The following CSMD3 variants were observed in gnomAD, a reference collection of about 807,000 sequenced individuals.
CSMD3 encodes CUB and sushi domain-containing protein 3.
A neutral mutation model predicts 435.2 loss-of-function variants in CSMD3; 177 were observed. The observed-to-expected ratio is 0.41, with a 90% CI of 0.36 to 0.46. The LOEUF (loss-of-function observed/expected upper bound fraction) is 0.46. Among genes scored for constraint, CSMD3 ranks in the 20% least tolerant of loss-of-function variants. CSMD3 has a pLI of 0.34. For missense variants in CSMD3, 4,265 were observed against 4,504.6 expected (o/e 0.95, Z 1.52); for synonymous variants, 1,656 against 1,520.5 (o/e 1.09, Z -2.07).
chr8:112,410,628 GTA>G (rs373147062), intron 32 of CSMD3, among the ~76,000 whole-genome samples: 3 of 69,954 alleles, frequency 4.3e-5, no homozygotes, highest in Admixed American at 1.8e-4. Flanking sequence ...ATATATATGT[GTA>G]TATATATGTA....
intron 11 of CSMD3, among the ~76,000 whole-genome samples, chr8:112,854,327 A>C (rs1401494765): frequency 6.6e-6 from 1 of 152,140 alleles, no homozygotes; most frequent in Non-Finnish European, 1.5e-5. Context: ...TGGACAGTAA[A>C]AAATTCATAT....
At chr8:112,852,218 A>G (rs1302844562) in intron 11 of CSMD3, among the ~76,000 whole-genome samples, 1 of 152,222 alleles carries the variant, frequency 6.6e-6, no homozygotes, top group African/African-American at 2.4e-5. Context: ...CACTAACACC[A>G]AACTTAAAAA....
intron 13 of CSMD3, among the ~76,000 whole-genome samples, chr8:112,790,279 A>T (rs2078654386): frequency 6.6e-6 from 1 of 152,066 alleles, no homozygotes; most frequent in South Asian, 2.1e-4. Context: ...AATATAGCAA[A>T]GGTAAATCTT....
chr8:113,162,571 C>CAAAAAA (rs753811903), intron 4 of CSMD3, among the ~76,000 whole-genome samples: 1 of 59,788 alleles, frequency 1.7e-5, no homozygotes, highest in Non-Finnish European at 3.3e-5. Context: ...GTCCCCACAT[C>CAAAAAA]AAAAAAAAAA....
chr8:112,483,641 G>A (rs1368277431), intron 31 of CSMD3, among the ~76,000 whole-genome samples: 3 of 152,120 alleles, frequency 2.0e-5, no homozygotes, highest in South Asian at 2.1e-4. Context: ...AAATGAATTA[G>A]GGAACTGCCC....
At chr8:112,603,777 CTAATA>C (rs1255595553) in intron 22 of CSMD3, among the ~76,000 whole-genome samples, 1 of 151,970 alleles carries the variant, frequency 6.6e-6, no homozygotes, top group African/African-American at 2.4e-5. Context: ...AAAAAGTTTT[CTAATA>C]TATTTATCCA....
At chr8:112,529,060 C>G (rs971859183) in intron 27 of CSMD3, among the ~76,000 whole-genome samples, 1 of 152,074 alleles carries the variant, frequency 6.6e-6, no homozygotes, top group Admixed American at 6.6e-5. Flanking sequence ...TGAGCAACAA[C>G]AGCAACCACA....
chr8:112,943,810 T>A (rs1247458160), intron 9 of CSMD3, among the ~76,000 whole-genome samples: 1 of 151,690 alleles, frequency 6.6e-6, no homozygotes, highest in Non-Finnish European at 1.5e-5. Flanking sequence ...GACCTTGACC[T>A]GAAACTGATC....
intron 1 of CSMD3, among the ~76,000 whole-genome samples, chr8:113,428,204 A>ATATCTGTC (rs1408422291): frequency 5.3e-4 from 77 of 146,234 alleles, no homozygotes; most frequent in African/African-American, 1.8e-3. Flanking sequence ...CAACTGTGGG[A>ATATCTGTC]TATCTATCTA....
chr8:112,828,487 ATC>A (rs1178145123), intron 12 of CSMD3, among the ~76,000 whole-genome samples: 1 of 150,932 alleles, frequency 6.6e-6, no homozygotes, highest in Non-Finnish European at 1.5e-5. Context: ...TCCTGCCACC[ATC>A]TCTCTCTCTC....
chr8:112,519,986 G>A (rs1008127227), intron 27 of CSMD3, among the ~76,000 whole-genome samples: 1 of 151,980 alleles, frequency 6.6e-6, no homozygotes, highest in African/African-American at 2.4e-5. Flanking sequence ...AATCAGACGA[G>A]CAGTTATCCA....
At chr8:113,407,508 A>G (rs991312411) in intron 1 of CSMD3, among the ~76,000 whole-genome samples, 3 of 152,094 alleles carry the variant, frequency 2.0e-5, no homozygotes, top group African/African-American at 7.2e-5. Context: ...AGCTACATCT[A>G]AAAGATTCAT....
rs150915464 is a variant in CSMD3, at chr8:112,552,600, A to G, written c.4355T>C (p.Ile1452Thr). 6.2e-6 allele frequency: 10 copies of G among 1,611,998 alleles called. No homozygotes were observed. The African/African-American group carries it at 1.3e-4, about 22-fold the overall frequency. Reference protein sequence around the residue: ...MWMIEVDPGNIVSLQFLAFDT... With the variant: ...MWMIEVDPGNTVSLQFLAFDT... ...GAAAATGAAATTCATTTACCTGACAATATTTCCAGGATCTACCTCAATCAT... is the reference window on the plus strand; with the variant it reads ...GAAAATGAAATTCATTTACCTGACAGTATTTCCAGGATCTACCTCAATCAT... Residue 1452 changes from isoleucine (I) to threonine (T), a missense_variant, in exon 26 of 71, where the codon ATT becomes ACT. Ile to Thr is a moderately conservative substitution (Grantham distance 89, BLOSUM62 -1). Coordinates refer to ENST00000297405, the MANE Select transcript of CSMD3 (RefSeq NM_198123.2).
intron 11 of CSMD3, among the ~76,000 whole-genome samples, chr8:112,841,828 C>T (rs1340971602): frequency 1.3e-5 from 2 of 151,816 alleles, no homozygotes; most frequent in East Asian, 3.9e-4. Flanking sequence ...TTGCTCCCTT[C>T]AAACCTTACC....
intron 4 of CSMD3, among the ~76,000 whole-genome samples, chr8:113,172,052 A>G (rs1346889797): frequency 1.3e-5 from 2 of 152,120 alleles, no homozygotes; most frequent in African/African-American, 4.8e-5. Flanking sequence ...ATGCCATTCT[A>G]TGAGAATTAG....
intron 3 of CSMD3, among the ~76,000 whole-genome samples, chr8:113,239,786 T>A (rs911669630): frequency 6.6e-6 from 1 of 152,242 alleles, no homozygotes; most frequent in East Asian, 1.9e-4. Flanking sequence ...AAAAACAATA[T>A]TGGAGAGAAA....
At chr8:112,377,726 A>G (rs931112290) in intron 38 of CSMD3, among the ~76,000 whole-genome samples, 4 of 152,138 alleles carry the variant, frequency 2.6e-5, no homozygotes, top group Non-Finnish European at 5.9e-5. Context: ...TATTACATTA[A>G]CAGAGTGAAG....
chr8:112,405,610 GA>G (rs1669774498), intron 35 of CSMD3, among the ~76,000 whole-genome samples: 1 of 151,292 alleles, frequency 6.6e-6, no homozygotes, highest in Non-Finnish European at 1.5e-5. Flanking sequence ...AAACAACTTC[GA>G]AACAATAAGA....
intron 5 of CSMD3, among the ~76,000 whole-genome samples, chr8:113,025,688 A>G (rs113006398): frequency 3.0e-4 from 45 of 152,068 alleles, no homozygotes; most frequent in African/African-American, 1.1e-3. Flanking sequence ...TGGAGCCACC[A>G]CTGGGTTGAA....
Sources: allele counts gnomAD v4.1 joint callset (sites outside exome capture counted in the v4.1 genomes callset), GRCh38; gene constraint gnomAD v4.1.1; transcripts MANE v1.5; gene names NCBI Gene and HGNC (gene_info 2026-07-23, HGNC 2026-07-21).